Variants in CMKLR1 observed in about 807,000 individuals in gnomAD.
CMKLR1 encodes the protein chemerin-like receptor 1.
Under a neutral mutation model 8.2 loss-of-function variants are expected in CMKLR1, and 6 were observed. That is an observed-to-expected ratio of 0.73 (90% CI 0.40 to 1.44). The LOEUF is 1.44. CMKLR1 is among the 40% of genes most tolerant of loss of function. The probability of loss-of-function intolerance (pLI) is 0.02; values close to 1 mark genes in which losing one functional copy is unlikely to be tolerated. For synonymous variants in CMKLR1, 178 were observed against 181.2 expected (o/e 0.98, Z 0.14); for missense variants, 429 against 478.0 (o/e 0.90, Z 0.96).
chr12:108,324,559 C>T lies in CMKLR1; in HGVS notation c.-74+5436G>A, dbSNP rs187648532. Among the ~76,000 whole-genome samples, 514 of 152,284 alleles carry T rather than the reference C, an allele frequency of 3.4e-3. 2 individuals carry two copies. The highest frequency in any genetic ancestry group is 5.9e-3 in the Non-Finnish European group (404 of 68,032). ...CGAGGCGCCTCTCCCTGGAGCCGAC[C>T]CAAAGACTTCCAAGGGGCTCCACTT... On this transcript the variant is annotated intron_variant, in intron 2 of 3. Transcript: ENST00000550402.
intron 1 of CMKLR1, among the ~76,000 whole-genome samples, chr12:108,333,551 G>A (rs547128393): frequency 6.6e-6 from 1 of 152,318 alleles, no homozygotes; most frequent in Admixed American, 6.5e-5. Context: ...AACTGACCAC[G>A]TGCTGTACTC....
At chr12:108,297,591 A>G (rs541742043) in intron 2 of CMKLR1, among the ~76,000 whole-genome samples, 7 of 152,282 alleles carry the variant, frequency 4.6e-5, no homozygotes, top group African/African-American at 1.4e-4. Context: ...TGTAAAAATA[A>G]CTCCTATTTG....
At chr12:108,301,013 A>T (rs932095334) in intron 2 of CMKLR1, among the ~76,000 whole-genome samples, 4 of 151,734 alleles carry the variant, frequency 2.6e-5, no homozygotes, top group African/African-American at 9.7e-5. Context: ...GCAGAAAGTC[A>T]ATGTTGCTAT....
intron 2 of CMKLR1, among the ~76,000 whole-genome samples, chr12:108,305,685 G>A (rs1211299168): frequency 2.0e-5 from 3 of 152,180 alleles, no homozygotes; most frequent in Non-Finnish European, 4.4e-5. Flanking sequence ...CCACAGGCCT[G>A]GCTGCCAGCC....
At chr12:108,308,161 C>T (rs1462187851) in intron 2 of CMKLR1, among the ~76,000 whole-genome samples, 1 of 152,134 alleles carries the variant, frequency 6.6e-6, no homozygotes, top group African/African-American at 2.4e-5. Context: ...GGCTGTGTGA[C>T]CTCATAGAGG....
chr12:108,325,357 G>A lies in CMKLR1; in HGVS notation c.-74+4638C>T, dbSNP rs542171498. Among the ~76,000 whole-genome samples the A allele has an allele frequency of 1.4e-4, 22 of 152,236 alleles. No homozygotes were observed. The South Asian group carries it at 2.3e-3, about 16-fold the overall frequency. On this transcript the variant is annotated intron_variant, in intron 2 of 3. Coordinates refer to ENST00000550402, the MANE Select transcript of CMKLR1 (RefSeq NM_001142343.2). Reference sequence around the variant, plus strand: ...CAGAGCTTCTTACTAAATCCACATCGTGGCTGGGGATATGGGTTGCTGGTA... The same window carrying A: ...CAGAGCTTCTTACTAAATCCACATCATGGCTGGGGATATGGGTTGCTGGTA...
At chr12:108,336,202 A>T (rs1892217436) in intron 1 of CMKLR1, among the ~76,000 whole-genome samples, 1 of 152,198 alleles carries the variant, frequency 6.6e-6, no homozygotes, top group South Asian at 2.1e-4. Context: ...ACATGCAGAC[A>T]CTGAAGCCTC....
intron 2 of CMKLR1, among the ~76,000 whole-genome samples, chr12:108,310,293 A>G (rs1470166289): frequency 6.6e-6 from 1 of 152,078 alleles, no homozygotes; most frequent in Non-Finnish European, 1.5e-5. Context: ...CCTATGGGCA[A>G]TAGGGAGCCA....
At position 108,289,467 on chromosome 12, in the gene CMKLR1, G is replaced by A. The variant is rs1030804654; in HGVS notation, c.*2374C>T. 6.6e-6 allele frequency: 1 copy of A among 152,250 alleles called. No homozygotes were observed. The highest frequency in any genetic ancestry group is 2.1e-4 in the South Asian group (1 of 4,824). 9.4% of individuals were successfully genotyped at this position (152,250 alleles called of 1,614,324 possible). A position where few individuals can be genotyped will look rare whatever the true frequency, so the allele number is the denominator to read the frequency against. On this transcript the variant is annotated 3_prime_UTR_variant, in exon 4 of 4. Coordinates refer to ENST00000550402, the MANE Select transcript of CMKLR1 (RefSeq NM_001142343.2). Reference sequence around the variant, plus strand: ...AAGAGGGAGGCCAGACTCTAAGGAGGAAAACAGCCGGTTTGAATTGTGCTC... The same window carrying A: ...AAGAGGGAGGCCAGACTCTAAGGAGAAAAACAGCCGGTTTGAATTGTGCTC...
intron 2 of CMKLR1, among the ~76,000 whole-genome samples, chr12:108,311,942 C>A (rs925448870): frequency 3.9e-5 from 6 of 152,210 alleles, no homozygotes; most frequent in African/African-American, 1.4e-4. Flanking sequence ...AGCACCTGGG[C>A]CTCTGCTCTT....
In CMKLR1 at chr12:108,293,670, G is replaced by GT; in HGVS notation, c.-73-7_-73-6insA. Reference sequence around the variant, plus strand: ...CTGTACACAGCTAGAAACACCTGTAGGGAAAAAAAAAAAAAAAAAAGCAGC... The same window carrying GT: ...CTGTACACAGCTAGAAACACCTGTAGTGGAAAAAAAAAAAAAAAAAAGCAGC... On this transcript the variant is annotated splice_region_variant and splice_polypyrimidine_tract_variant and intron_variant, in intron 2 of 3. Coordinates refer to ENST00000550402, the MANE Select transcript of CMKLR1 (RefSeq NM_001142343.2). 1 of 1,127,888 alleles carries GT rather than the reference G, an allele frequency of 8.9e-7. No homozygotes were observed. Among genetic ancestry groups the GT allele is most frequent in the Non-Finnish European group, 1.2e-6 (1 of 820,076 alleles). The allele number at this position is 1,127,888 out of a possible 1,614,324, so 69.9% of individuals were successfully genotyped here.
Position 108,319,151 on chromosome 12 carries a change from G to A in CMKLR1, c.-74+10844C>T, listed in dbSNP as rs138827612. Among the ~76,000 whole-genome samples the A allele has an allele frequency of 4.2e-3, 638 of 152,258 alleles. 9 individuals carry two copies. Among genetic ancestry groups the A allele is most frequent in the African/African-American group, 0.015 (604 of 41,540 alleles). On this transcript the variant is annotated intron_variant, in intron 2 of 3. Transcript: ENST00000550402. ...CTTTGCCAAGAACCCTGGCCATGAC[G>A]TCTCTGCTGATGCAGGTTTCCAAGG...
chr12:108,290,093 T>C lies in CMKLR1; in HGVS notation c.*1748A>G, dbSNP rs1593153379. 1 of 152,262 alleles carries C rather than the reference T, an allele frequency of 6.6e-6. No homozygotes were observed. The highest frequency in any genetic ancestry group is 1.5e-5 in the Non-Finnish European group (1 of 68,052). 9.4% of individuals were successfully genotyped at this position (152,262 alleles called of 1,614,324 possible). A position where few individuals can be genotyped will look rare whatever the true frequency, so the allele number is the denominator to read the frequency against. On this transcript the variant is annotated 3_prime_UTR_variant, in exon 4 of 4. Transcript: ENST00000550402. The stretch of plus-strand genomic sequence containing the variant: ...ACGGTAGGAGGCTGTTAATGGCTGT[T>C]GAGGGAGCTGGAAGCCAAGTGCATT...
At chr12:108,328,156 C>G (rs944219405) in intron 2 of CMKLR1, among the ~76,000 whole-genome samples, 2 of 152,200 alleles carry the variant, frequency 1.3e-5, no homozygotes, top group African/African-American at 4.8e-5. Flanking sequence ...CAGCTTCCCC[C>G]GGGAGAAGTG....
chr12:108,306,833 T>G (rs1891420409), intron 2 of CMKLR1, among the ~76,000 whole-genome samples: 1 of 152,140 alleles, frequency 6.6e-6, no homozygotes, highest in South Asian at 2.1e-4. Flanking sequence ...CCTCATTACT[T>G]TATTGGACAC....
At chr12:108,304,530 C>T (rs941993220) in intron 2 of CMKLR1, among the ~76,000 whole-genome samples, 1 of 152,148 alleles carries the variant, frequency 6.6e-6, no homozygotes, top group Non-Finnish European at 1.5e-5. Flanking sequence ...CACCTCTGTC[C>T]TGTTCTTACT....
At chr12:108,330,330 T>A (rs1266579164) in intron 1 of CMKLR1, 123 bp from the exon 2 acceptor site, 1 of 152,208 alleles carries the variant, frequency 6.6e-6, no homozygotes, top group Non-Finnish European at 1.5e-5. Flanking sequence ...CAGCCAACAC[T>A]ATGTGGAGCA....
chr12:108,325,044 G>A (rs1891950209), intron 2 of CMKLR1, among the ~76,000 whole-genome samples: 1 of 152,174 alleles, frequency 6.6e-6, no homozygotes, highest in Non-Finnish European at 1.5e-5. Flanking sequence ...GAAGAAAGAG[G>A]GCAAGAGGAA....
At chr12:108,308,363 T>G (rs1891459967) in intron 2 of CMKLR1, among the ~76,000 whole-genome samples, 1 of 152,204 alleles carries the variant, frequency 6.6e-6, no homozygotes, top group Non-Finnish European at 1.5e-5. Flanking sequence ...GTCCACTGTT[T>G]TAGGGTCCCA....
Sources: allele counts gnomAD v4.1 joint callset (sites outside exome capture counted in the v4.1 genomes callset), GRCh38; gene constraint gnomAD v4.1.1; transcripts MANE v1.5; gene names NCBI Gene and HGNC (gene_info 2026-07-23, HGNC 2026-07-21).